Variants in GABBR2 observed in about 807,000 individuals in gnomAD.
GABBR2 encodes the protein gamma-aminobutyric acid type B receptor subunit 2.
In GABBR2, 23 loss-of-function variants were observed where a neutral mutation model predicts 105.6. The observed-to-expected ratio is 0.22, with a 90% CI of 0.16 to 0.31. The LOEUF is 0.31. Among genes scored for constraint, GABBR2 ranks in the 10% least tolerant of loss-of-function variants. The probability of loss-of-function intolerance (pLI) is 1.00; values close to 1 mark genes in which losing one functional copy is unlikely to be tolerated. For missense variants in GABBR2, 734 were observed against 1,245.5 expected (o/e 0.59, Z 6.18); for synonymous variants, 478 against 499.7 (o/e 0.96, Z 0.58).
chr9:98,542,183 A>G, intron 2 of GABBR2, 140 bp from the exon 3 acceptor site: 1 of 674,246 alleles, frequency 1.5e-6, no homozygotes, highest in Non-Finnish European at 2.4e-6. Context: ...AAACTTTTTT[A>G]TTGTAAGAGT....
chr9:98,514,794 T>G (rs1380337029), intron 3 of GABBR2, among the ~76,000 whole-genome samples: 4 of 152,068 alleles, frequency 2.6e-5, no homozygotes, highest in Non-Finnish European at 4.4e-5. Flanking sequence ...AAACTTAAAG[T>G]ATAATAATAA....
At chr9:98,584,372 G>A (rs1289592939) in intron 1 of GABBR2, among the ~76,000 whole-genome samples, 1 of 152,042 alleles carries the variant, frequency 6.6e-6, no homozygotes, top group Non-Finnish European at 1.5e-5. Context: ...CTTCTCTCTG[G>A]TATTTGTTAT....
intron 1 of GABBR2, among the ~76,000 whole-genome samples, chr9:98,659,610 C>A (rs1461904545): frequency 2.1e-5 from 3 of 145,820 alleles, no homozygotes; most frequent in Admixed American, 1.4e-4. Context: ...CAATCTCTGC[C>A]TCCTGGTTCA....
At chr9:98,564,506 G>A (rs1372963370) in intron 2 of GABBR2, among the ~76,000 whole-genome samples, 3 of 152,216 alleles carry the variant, frequency 2.0e-5, no homozygotes, top group African/African-American at 7.2e-5. Flanking sequence ...CCTTTGGCAA[G>A]GCACTCAACC....
At chr9:98,681,050 T>C (rs1394791579) in intron 1 of GABBR2, among the ~76,000 whole-genome samples, 1 of 151,918 alleles carries the variant, frequency 6.6e-6, no homozygotes, top group Admixed American at 6.5e-5. Flanking sequence ...CTCAGGGATC[T>C]AGAACTAGAA....
At chr9:98,636,577 C>G (rs1829880122) in intron 1 of GABBR2, among the ~76,000 whole-genome samples, 1 of 149,940 alleles carries the variant, frequency 6.7e-6, no homozygotes, top group Admixed American at 6.6e-5. Flanking sequence ...CACTGCAACC[C>G]CCACCTCCTG....
At chr9:98,580,317 T>C in intron 1 of GABBR2, among the ~76,000 whole-genome samples, 1 of 152,248 alleles carries the variant, frequency 6.6e-6, no homozygotes, top group South Asian at 2.1e-4. Context: ...TGCCACCCTA[T>C]TTAATGCCCT....
At chr9:98,601,441 T>C (rs985916831) in intron 1 of GABBR2, among the ~76,000 whole-genome samples, 2 of 152,106 alleles carry the variant, frequency 1.3e-5, no homozygotes, top group African/African-American at 2.4e-5. Flanking sequence ...CACTTGAGCC[T>C]ATGAGTTGGA....
intron 2 of GABBR2, among the ~76,000 whole-genome samples, chr9:98,543,667 T>C (rs1216315714): frequency 6.6e-6 from 1 of 152,234 alleles, no homozygotes; most frequent in Non-Finnish European, 1.5e-5. Flanking sequence ...CTTCTTCCTA[T>C]GTGTAAAAGT....
chr9:98,419,646 A>T (rs998582637), intron 7 of GABBR2, among the ~76,000 whole-genome samples: 10 of 152,196 alleles, frequency 6.6e-5, no homozygotes, highest in Admixed American at 5.2e-4. Flanking sequence ...TCTCATGTTC[A>T]GCTTGATGCT....
chr9:98,681,980 G>T (rs865828888), intron 1 of GABBR2, among the ~76,000 whole-genome samples: 2 of 152,134 alleles, frequency 1.3e-5, no homozygotes, highest in African/African-American at 4.8e-5. Flanking sequence ...CCAGCACTTT[G>T]TAATCCCACT....
At chr9:98,458,126 A>C (rs1426877123) in intron 6 of GABBR2, among the ~76,000 whole-genome samples, 1 of 152,248 alleles carries the variant, frequency 6.6e-6, no homozygotes, top group East Asian at 1.9e-4. Flanking sequence ...TTGCTAACCT[A>C]CAATGTGACT....
At chr9:98,406,885 C>G (rs1832499729) in intron 7 of GABBR2, among the ~76,000 whole-genome samples, 1 of 152,148 alleles carries the variant, frequency 6.6e-6, no homozygotes, top group Non-Finnish European at 1.5e-5. Flanking sequence ...TATGGCCCAC[C>G]TAAAATTCTG....
At chr9:98,473,769 A>G (rs1826734808) in intron 5 of GABBR2, among the ~76,000 whole-genome samples, 1 of 152,180 alleles carries the variant, frequency 6.6e-6, no homozygotes, top group Admixed American at 6.5e-5. Flanking sequence ...TGGGGAAACA[A>G]AGTATTTTCT....
At chr9:98,635,675 TAGAC>T (rs1056879968) in intron 1 of GABBR2, among the ~76,000 whole-genome samples, 38 of 152,044 alleles carry the variant, frequency 2.5e-4, no homozygotes, top group African/African-American at 6.0e-4. Flanking sequence ...CTGAAAAAAA[TAGAC>T]AGACCAGGCA....
intron 13 of GABBR2, among the ~76,000 whole-genome samples, chr9:98,341,344 G>A (rs1831210522): frequency 6.6e-6 from 1 of 152,210 alleles, no homozygotes; most frequent in African/African-American, 2.4e-5. Flanking sequence ...CCCTTAAAAT[G>A]TCTCTCTGGC....
At position 98,389,012 on chromosome 9, in the gene GABBR2, A is replaced by G. The variant is rs1464378053; in HGVS notation, c.1379-8T>C. 6.2e-7 allele frequency: 1 copy of G among 1,610,096 alleles called. No individual in the cohort carries two copies. Among genetic ancestry groups the G allele is most frequent in the Non-Finnish European group, 8.5e-7 (1 of 1,177,772 alleles). ...CTTTTGGTGGTTCGGATCCTAGAGG[A>G]TCAAGAGAAGACATCAGTGGGACCC... On this transcript the variant is annotated splice_region_variant and splice_polypyrimidine_tract_variant and intron_variant, in intron 9 of 18. Transcript: ENST00000259455.
At chr9:98,589,060 C>CGTCT (rs1156479070) in intron 1 of GABBR2, among the ~76,000 whole-genome samples, 2 of 152,220 alleles carry the variant, frequency 1.3e-5, no homozygotes, top group African/African-American at 4.8e-5. Flanking sequence ...ACCCTCTTCC[C>CGTCT]AGACCCCACC....
chr9:98,665,276 ATCTCTCTCTCTC>A (rs55873825), intron 1 of GABBR2, among the ~76,000 whole-genome samples: 2 of 149,326 alleles, frequency 1.3e-5, no homozygotes, highest in Admixed American at 1.3e-4. Context: ...CTCTCTCTCA[ATCTCTCTCTCTC>A]TCTCTCTCTC....
Sources: allele counts gnomAD v4.1 joint callset (sites outside exome capture counted in the v4.1 genomes callset), GRCh38; gene constraint gnomAD v4.1.1; transcripts MANE v1.5; gene names NCBI Gene and HGNC (gene_info 2026-07-23, HGNC 2026-07-21).